Variants in LINGO2 observed in about 807,000 individuals in gnomAD.
The protein encoded by LINGO2 is leucine rich repeat and Ig domain containing 2, also known as leucine-rich repeat and immunoglobulin-like domain-containing nogo receptor-interacting protein 2.
LINGO2 carries 14 observed loss-of-function variants against 30.6 expected under a neutral mutation model. The observed-to-expected ratio is 0.46, with a 90% CI of 0.30 to 0.72. LINGO2 has a LOEUF of 0.72. Ranked by LOEUF, LINGO2 falls within the 30% of genes least tolerant of loss-of-function variation. The pLI is 0.07. For missense variants in LINGO2, 729 were observed against 751.7 expected (o/e 0.97, Z 0.35); for synonymous variants, 317 against 288.5 (o/e 1.10, Z -1.00).
chr9:28,166,743 TC>T (rs1226500365), intron 4 of LINGO2, among the ~76,000 whole-genome samples: 1 of 151,426 alleles, frequency 6.6e-6, no homozygotes, highest in Non-Finnish European at 1.5e-5. Flanking sequence ...CTTTTTTTTT[TC>T]CTGGAATTCC....
chr9:27,944,729 T>C (rs1327297671), downstream of LINGO2, among the ~76,000 whole-genome samples: 1 of 152,086 alleles, frequency 6.6e-6, no homozygotes, highest in East Asian at 1.9e-4. Flanking sequence ...ATTATAGTAA[T>C]AGAGATAATA....
chr9:28,615,187 C>T (rs1826085017), intron 1 of LINGO2, among the ~76,000 whole-genome samples: 1 of 152,120 alleles, frequency 6.6e-6, no homozygotes, highest in Non-Finnish European at 1.5e-5. Flanking sequence ...ATCAGGGATG[C>T]TCATCCCTAG....
chr9:29,006,036 A>C, the LINGO2 span, among the ~76,000 whole-genome samples: 1 of 151,748 alleles, frequency 6.6e-6, no homozygotes, highest in Non-Finnish European at 1.5e-5. Flanking sequence ...GATCAGACTA[A>C]CCATTAATCA....
At chr9:29,177,609 G>A in the LINGO2 span, among the ~76,000 whole-genome samples, 51 of 152,154 alleles carry the variant, frequency 3.4e-4, no homozygotes, top group Middle Eastern at 0.017. Flanking sequence ...TCCAAGACTT[G>A]AAAAATAATA....
At chr9:28,105,566 G>C (rs149469608) in intron 4 of LINGO2, among the ~76,000 whole-genome samples, 1 of 152,146 alleles carries the variant, frequency 6.6e-6, no homozygotes, top group Non-Finnish European at 1.5e-5. Context: ...GGACTGAACT[G>C]TGTTCCCCCC....
chr9:28,059,688 ATATAT>A (rs1393816070), intron 4 of LINGO2, among the ~76,000 whole-genome samples: 2 of 152,134 alleles, frequency 1.3e-5, no homozygotes, highest in Non-Finnish European at 2.9e-5. Flanking sequence ...ATTTATATAA[ATATAT>A]TCAATTATGA....
At chr9:27,964,302 C>T (rs1054283507) in intron 5 of LINGO2, among the ~76,000 whole-genome samples, 5 of 152,006 alleles carry the variant, frequency 3.3e-5, no homozygotes, top group Non-Finnish European at 5.9e-5. Context: ...CAGTGGCTCA[C>T]GCAAGTAGGT....
At chr9:29,083,702 A>G in the LINGO2 span, among the ~76,000 whole-genome samples, 22 of 152,200 alleles carry the variant, frequency 1.4e-4, no homozygotes, top group Admixed American at 6.6e-4. Flanking sequence ...TTCACACTAA[A>G]AAGTAAAAAA....
the LINGO2 span, among the ~76,000 whole-genome samples, chr9:29,191,576 T>A: frequency 6.6e-6 from 1 of 152,136 alleles, no homozygotes; most frequent in Non-Finnish European, 1.5e-5. Flanking sequence ...CTGTTTTCCA[T>A]CTGTCAGCTC....
chr9:28,904,013 G>A, the LINGO2 span, among the ~76,000 whole-genome samples: 1 of 152,094 alleles, frequency 6.6e-6, no homozygotes, highest in Admixed American at 6.6e-5. Context: ...CATTGCCGAT[G>A]ATCAAGTGGG....
chr9:28,598,511 A>G (rs954151177), intron 1 of LINGO2, among the ~76,000 whole-genome samples: 1 of 151,992 alleles, frequency 6.6e-6, no homozygotes, highest in African/African-American at 2.4e-5. Flanking sequence ...GACTCCAGGG[A>G]AAATAGCAGG....
the LINGO2 span, among the ~76,000 whole-genome samples, chr9:28,990,555 A>T: frequency 2.6e-5 from 4 of 152,206 alleles, no homozygotes; most frequent in African/African-American, 9.6e-5. Context: ...CTGCCTTTTC[A>T]AGTGGCTCCC....
chr9:29,200,177 C>T, the LINGO2 span, among the ~76,000 whole-genome samples: 3 of 151,954 alleles, frequency 2.0e-5, no homozygotes, highest in Non-Finnish European at 2.9e-5. Context: ...AAGTCAGAAA[C>T]ACCTAGGAAA....
At chr9:28,501,176 A>G (rs7852720) in intron 1 of LINGO2, among the ~76,000 whole-genome samples, 3,283 of 152,304 alleles carry the variant, frequency 0.022, 105 homozygotes, top group East Asian at 0.1. Context: ...GTATATTTAT[A>G]TAAAAATGCA....
At chr9:28,224,928 C>A (rs1316131785) in intron 4 of LINGO2, among the ~76,000 whole-genome samples, 4 of 151,994 alleles carry the variant, frequency 2.6e-5, no homozygotes, top group Admixed American at 6.6e-5. Context: ...ACACATAGAC[C>A]AATGGAACAG....
chr9:29,088,811 T>C, the LINGO2 span, among the ~76,000 whole-genome samples: 59 of 152,174 alleles, frequency 3.9e-4, no homozygotes, highest in African/African-American at 1.3e-3. Context: ...GAAAGACTCA[T>C]GGAACAGTGA....
the LINGO2 span, among the ~76,000 whole-genome samples, chr9:29,190,568 A>AATAAATAT: frequency 6.6e-6 from 1 of 152,192 alleles, no homozygotes. Flanking sequence ...ATAGGTAAGA[A>AATAAATAT]GTGCTGCTAG....
At chr9:28,001,320 C>T (rs1563899233) in intron 5 of LINGO2, among the ~76,000 whole-genome samples, 1 of 152,182 alleles carries the variant, frequency 6.6e-6, no homozygotes, top group African/African-American at 2.4e-5. Flanking sequence ...ATCCACAGAG[C>T]ATTCCTGAAT....
chr9:28,008,766 C>T (rs1198459914), intron 5 of LINGO2, among the ~76,000 whole-genome samples: 3 of 151,988 alleles, frequency 2.0e-5, no homozygotes, highest in Non-Finnish European at 2.9e-5. Flanking sequence ...ACATTAAAGG[C>T]CTAAGCATAT....
Sources: gnomAD v4.1 joint callset for allele counts (sites outside exome capture counted in the v4.1 genomes callset) on GRCh38, gnomAD v4.1.1 for gene constraint, MANE v1.5 for transcripts, NCBI Gene and HGNC (gene_info 2026-07-23, HGNC 2026-07-21) for gene names.